Variants in SLC9A4 observed in about 807,000 individuals in gnomAD.
SLC9A4 encodes the protein sodium/hydrogen exchanger 4.
Under a neutral mutation model 67.4 loss-of-function variants are expected in SLC9A4, and 63 were observed. The ratio of observed to expected loss-of-function variants is 0.93; its 90% confidence interval spans 0.76 to 1.15. The LOEUF is 1.15. SLC9A4 is among the 50% of genes most tolerant of loss of function. The probability of loss-of-function intolerance (pLI) is 0.00; values close to 1 mark genes in which losing one functional copy is unlikely to be tolerated. For missense variants in SLC9A4, 1,089 were observed against 987.7 expected, an observed-to-expected ratio of 1.10 and a Z score of -1.38; for synonymous variants, 393 against 367.2, an observed-to-expected ratio of 1.07 and a Z score of -0.80.
At chr2:102,521,962 A>C (rs2104446486) in intron 9 of SLC9A4, among the ~76,000 whole-genome samples, 1 of 152,188 alleles carries the variant, frequency 6.6e-6, no homozygotes, top group East Asian at 1.9e-4. Context: ...TCCTAGGAGG[A>C]CTCCAGCCAA....
chr2:102,476,116 A>G (rs6543144), intron 1 of SLC9A4, among the ~76,000 whole-genome samples: 49,492 of 151,860 alleles, frequency 0.33, 8,692 homozygotes, highest in African/African-American at 0.42. Context: ...AAACATCAAA[A>G]CTCTCCCCCA....
In SLC9A4 at chr2:102,532,649, C is replaced by T; in HGVS notation, c.2358C>T (p.Asp786=). Residue 786 remains aspartate (D), a synonymous_variant, in exon 12 of 12, where the codon GAC becomes GAT. Transcript: ENST00000295269. ...RWTADHGHGR[D]HHRSHSPLLQ... The stretch of plus-strand genomic sequence containing the variant: ...CAGCTGACCATGGACACGGCAGGGA[C>T]CATCACAGGTCCCATAGTCCTTTGC... 1 of 1,613,902 alleles carries T rather than the reference C, an allele frequency of 6.2e-7. No individual in the cohort carries two copies. Among genetic ancestry groups the T allele is most frequent in the African/African-American group, 1.3e-5 (1 of 75,018 alleles).
chr2:102,474,537 G>C (rs547771301), intron 1 of SLC9A4, among the ~76,000 whole-genome samples: 21 of 152,314 alleles, frequency 1.4e-4, no homozygotes, highest in Non-Finnish European at 2.2e-4. Context: ...TCAGTGATGG[G>C]ATGTCGGGGC....
At chr2:102,485,272 T>G (rs1049925171) in intron 2 of SLC9A4, among the ~76,000 whole-genome samples, 1 of 152,230 alleles carries the variant, frequency 6.6e-6, no homozygotes, top group African/African-American at 2.4e-5. Flanking sequence ...GTTTATTCTA[T>G]GCAGCTCAGT....
At chr2:102,520,211 T>C (rs1271752396) in intron 9 of SLC9A4, among the ~76,000 whole-genome samples, 1 of 152,182 alleles carries the variant, frequency 6.6e-6, no homozygotes, top group Non-Finnish European at 1.5e-5. Flanking sequence ...GCCCTAGCCC[T>C]GCAGCCTGGT....
intron 6 of SLC9A4, among the ~76,000 whole-genome samples, chr2:102,510,272 C>CAGATACAGATACAGATATAGATAT (rs61491026): frequency 0.14 from 18,039 of 125,518 alleles, 1,659 homozygotes; most frequent in Non-Finnish European, 0.19. Context: ...GATACAGATA[C>CAGATACAGATACAGATATAGATAT]AGATATAGAT....
chr2:102,530,468 C>G (rs533538531), intron 11 of SLC9A4, among the ~76,000 whole-genome samples: 1 of 152,336 alleles, frequency 6.6e-6, no homozygotes, highest in African/African-American at 2.4e-5. Flanking sequence ...CCAACTTATT[C>G]CTTCAATTTT....
chr2:102,505,478 G>A lies in SLC9A4; in HGVS notation c.1198+7G>A, dbSNP rs755114417. ...CAAATCTGGAGAGCCATCAGTAAGA[G>A]ACGGCAGGGCTCCAGAGTCTCCGGT... On this transcript the variant is annotated splice_region_variant and intron_variant, in intron 4 of 11. Coordinates refer to ENST00000295269, the MANE Select transcript of SLC9A4 (RefSeq NM_001011552.4). 1.2e-6 allele frequency: 2 copies of A among 1,613,058 alleles called. No individual in the cohort carries two copies. Among genetic ancestry groups the A allele is most frequent in the South Asian group, 2.2e-5 (2 of 91,080 alleles).
intron 11 of SLC9A4, among the ~76,000 whole-genome samples, chr2:102,529,309 G>T (rs1165209052): frequency 6.6e-6 from 1 of 152,206 alleles, no homozygotes; most frequent in African/African-American, 2.4e-5. Context: ...CTAGAAATCT[G>T]AGGGAAAAGT....
intron 8 of SLC9A4, 148 bp from the exon 9 acceptor site, chr2:102,519,711 C>A (rs550949353): frequency 3.4e-6 from 2 of 582,654 alleles, no homozygotes; most frequent in South Asian, 3.8e-5. Context: ...GACATCAAAC[C>A]AACTTACTAG....
chr2:102,530,560 C>T (rs1674755803), intron 11 of SLC9A4, among the ~76,000 whole-genome samples: 1 of 152,152 alleles, frequency 6.6e-6, no homozygotes, highest in Non-Finnish European at 1.5e-5. Context: ...GTAAAATAAC[C>T]CAGAGGGTGA....
At chr2:102,526,118 C>T in intron 10 of SLC9A4, 141 bp from the exon 11 acceptor site, 1 of 727,742 alleles carries the variant, frequency 1.4e-6, no homozygotes, top group South Asian at 1.6e-5. Context: ...GAACCCCTGA[C>T]CTCAGGTGAT....
At chr2:102,493,076 T>G (rs1216666087) in intron 2 of SLC9A4, among the ~76,000 whole-genome samples, 2 of 152,240 alleles carry the variant, frequency 1.3e-5, no homozygotes, top group African/African-American at 4.8e-5. Flanking sequence ...CATATCACTA[T>G]CAGCATTTTG....
intron 6 of SLC9A4, among the ~76,000 whole-genome samples, chr2:102,511,215 G>A (rs1275535486): frequency 1.3e-5 from 2 of 152,122 alleles, no homozygotes; most frequent in African/African-American, 4.8e-5. Flanking sequence ...AAGTGACCTA[G>A]GAAATTTGGT....
chr2:102,520,832 G>T (rs1294042761), intron 9 of SLC9A4, among the ~76,000 whole-genome samples: 2 of 152,156 alleles, frequency 1.3e-5, no homozygotes, highest in Non-Finnish European at 2.9e-5. Flanking sequence ...AAGAACACAG[G>T]TTTTCTACCC....
At chr2:102,497,822 T>A (rs1302132248) in intron 2 of SLC9A4, among the ~76,000 whole-genome samples, 1 of 152,126 alleles carries the variant, frequency 6.6e-6, no homozygotes, top group Non-Finnish European at 1.5e-5. Context: ...AAGTCTTTCC[T>A]CAATAAAGTT....
At chr2:102,521,911 C>T (rs1000771897) in intron 9 of SLC9A4, among the ~76,000 whole-genome samples, 1 of 152,196 alleles carries the variant, frequency 6.6e-6, no homozygotes, top group South Asian at 2.1e-4. Flanking sequence ...CCCTAATGCA[C>T]AGTTGATCCG....
intron 10 of SLC9A4, among the ~76,000 whole-genome samples, chr2:102,525,837 G>A (rs1483528899): frequency 6.6e-6 from 1 of 152,148 alleles, no homozygotes; most frequent in African/African-American, 2.4e-5. Flanking sequence ...CTAAAAGCCA[G>A]TAATCCAAAC....
chr2:102,507,522 C>T (rs1183398666), intron 4 of SLC9A4, among the ~76,000 whole-genome samples: 2 of 152,080 alleles, frequency 1.3e-5, no homozygotes, highest in African/African-American at 4.8e-5. Context: ...GAAGCGCCCA[C>T]TCACCCCCCA....
Sources: allele counts gnomAD v4.1 joint callset (sites outside exome capture counted in the v4.1 genomes callset), GRCh38; gene constraint gnomAD v4.1.1; transcripts MANE v1.5; gene names NCBI Gene and HGNC (gene_info 2026-07-23, HGNC 2026-07-21).